Variants in LYSET observed in about 807,000 individuals in gnomAD.
LYSET encodes GNPTAB cleavage and activity factor.
chr14:93,185,432 G>A, the LYSET span: 1 of 1,613,586 alleles, frequency 6.2e-7, no homozygotes, highest in Non-Finnish European at 8.5e-7. Context: ...ATTATTCAGA[G>A]CTGAGTGACT....
the LYSET span, chr14:93,185,426 T>G: frequency 6.2e-7 from 1 of 1,613,462 alleles, no homozygotes; most frequent in Non-Finnish European, 8.5e-7. Flanking sequence ...CACCCGATTA[T>G]TCAGAGCTGA....
At chr14:93,185,691 C>G in the LYSET span, among the ~76,000 whole-genome samples, 1 of 152,126 alleles carries the variant, frequency 6.6e-6, no homozygotes, top group East Asian at 1.9e-4. Context: ...TGAGGGATTC[C>G]CGTTAAAAAG....
the LYSET span, chr14:93,186,957 T>C: frequency 2.6e-6 from 1 of 391,262 alleles, no homozygotes; most frequent in Non-Finnish European, 4.7e-6. Flanking sequence ...AATTCATATT[T>C]CTATTCTACT....
At chr14:93,186,794 C>A in the LYSET span, 1 of 1,061,422 alleles carries the variant, frequency 9.4e-7, no homozygotes, top group Non-Finnish European at 1.4e-6. Flanking sequence ...TTTTTAAAAA[C>A]ATGTGATTAG....
chr14:93,185,560 C>T, the LYSET span: 3 of 1,224,492 alleles, frequency 2.4e-6, no homozygotes, highest in Non-Finnish European at 3.6e-6. Context: ...TGAAGCAGTA[C>T]TGTTATGCCA....
chr14:93,186,848 C>A, the LYSET span: 1 of 609,460 alleles, frequency 1.6e-6, no homozygotes, highest in Non-Finnish European at 2.8e-6. Context: ...TAGGTAAAAC[C>A]TGAGATAGAG....
At chr14:93,186,963 C>G in the LYSET span, 2 of 378,276 alleles carry the variant, frequency 5.3e-6, no homozygotes, top group South Asian at 7.3e-5. Context: ...TATTTCTATT[C>G]TACTGTGCAA....
the LYSET span, among the ~76,000 whole-genome samples, chr14:93,188,364 C>G: frequency 1.1e-4 from 16 of 152,194 alleles, no homozygotes; most frequent in African/African-American, 3.9e-4. Flanking sequence ...GTCAGGTCAT[C>G]AGGCAGTAGG....
the LYSET span, chr14:93,185,331 C>G: frequency 6.9e-7 from 1 of 1,448,906 alleles, no homozygotes; most frequent in Non-Finnish European, 9.6e-7. Context: ...GTAGCTGGTG[C>G]TCCAGGCTGG....
the LYSET span, chr14:93,186,903 C>T: frequency 2.1e-6 from 1 of 471,592 alleles, no homozygotes; most frequent in Middle Eastern, 5.5e-4. Context: ...GAAGTTAAAT[C>T]ATGTCTGTTA....
At chr14:93,186,604 G>C in the LYSET span, 1 of 1,614,080 alleles carries the variant, frequency 6.2e-7, no homozygotes, top group Non-Finnish European at 8.5e-7. Context: ...GCAGTTATTT[G>C]CAATCGCCAC....
chr14:93,186,716 T>C, the LYSET span: 9 of 1,533,798 alleles, frequency 5.9e-6, no homozygotes, highest in African/African-American at 1.1e-4. Context: ...CTGCCAGTCC[T>C]ATATGGAGTC....
At chr14:93,187,829 A>C in the LYSET span, among the ~76,000 whole-genome samples, 4 of 151,428 alleles carry the variant, frequency 2.6e-5, no homozygotes, top group Non-Finnish European at 4.4e-5. Context: ...TTGTTATTTT[A>C]GTAGAGACAG....
chr14:93,185,547 G>T, the LYSET span: 4 of 1,348,614 alleles, frequency 3.0e-6, no homozygotes, highest in African/African-American at 5.8e-5. Context: ...CCGCGTTCAC[G>T]TCTGAAGCAG....
chr14:93,187,710 G>A, the LYSET span, among the ~76,000 whole-genome samples: 1 of 152,088 alleles, frequency 6.6e-6, no homozygotes, highest in Non-Finnish European at 1.5e-5. Flanking sequence ...TGGCTCACTG[G>A]AACCTTCGGC....
At chr14:93,185,247 A>G in the LYSET span, 8 of 527,186 alleles carry the variant, frequency 1.5e-5, no homozygotes, top group African/African-American at 1.2e-4. Flanking sequence ...AGGTTCTCAG[A>G]GCGGGTCTCC....
At chr14:93,185,363 C>T in the LYSET span, 2 of 1,597,168 alleles carry the variant, frequency 1.3e-6, no homozygotes, top group Non-Finnish European at 1.7e-6. Flanking sequence ...TTTCTCCTAG[C>T]CGGGTGACCC....
chr14:93,186,284 C>G, the LYSET span: 1 of 1,613,304 alleles, frequency 6.2e-7, no homozygotes, highest in Middle Eastern at 1.6e-4. Flanking sequence ...GAATGATGAA[C>G]TTCCGTCAGC....
the LYSET span, among the ~76,000 whole-genome samples, chr14:93,185,645 T>TA: frequency 6.6e-6 from 1 of 152,128 alleles, no homozygotes; most frequent in Non-Finnish European, 1.5e-5. Context: ...GGGCGGGTAT[T>TA]ATGGACCTGT....
Sources: gnomAD v4.1 joint callset for allele counts (sites outside exome capture counted in the v4.1 genomes callset) on GRCh38, gnomAD v4.1.1 for gene constraint, MANE v1.5 for transcripts, NCBI Gene and HGNC (gene_info 2026-07-23, HGNC 2026-07-21) for gene names.